SHROOM3: variants seen among roughly 807,000 people sequenced by gnomAD.
SHROOM3 encodes protein Shroom3.
SHROOM3 carries 47 observed loss-of-function variants against 138.6 expected under a neutral mutation model. The ratio of observed to expected loss-of-function variants is 0.34; its 90% CI spans 0.27 to 0.43. The LOEUF (loss-of-function observed/expected upper bound fraction) is 0.43. Among genes scored for constraint, SHROOM3 ranks in the 20% least tolerant of loss-of-function variants. The probability of loss-of-function intolerance (pLI) is 1.00; values close to 1 mark genes in which losing one functional copy is unlikely to be tolerated. For synonymous variants in SHROOM3, 1,062 were observed against 1,063.3 expected (o/e 1.00, Z 0.02); for missense variants, 2,491 against 2,596.5 (o/e 0.96, Z 0.88).
chr4:76,731,599 G>A (rs1446012725), intron 4 of SHROOM3, among the ~76,000 whole-genome samples: 1 of 152,044 alleles, frequency 6.6e-6, no homozygotes, highest in Non-Finnish European at 1.5e-5. Context: ...TGGCCAACAC[G>A]GTGAAACCCT....
intron 3 of SHROOM3, among the ~76,000 whole-genome samples, chr4:76,724,203 T>C (rs1421255474): frequency 6.6e-6 from 1 of 152,206 alleles, no homozygotes; most frequent in Non-Finnish European, 1.5e-5. Context: ...AAGGGCTTTG[T>C]TTGAATTACA....
At chr4:76,775,720 A>G (rs956196476) in intron 10 of SHROOM3, among the ~76,000 whole-genome samples, 3 of 151,422 alleles carry the variant, frequency 2.0e-5, no homozygotes, top group Non-Finnish European at 2.9e-5. Flanking sequence ...GTATATGTGT[A>G]TATACACATA....
chr4:76,451,363 C>T (rs542071300), intron 1 of SHROOM3, among the ~76,000 whole-genome samples: 5 of 152,318 alleles, frequency 3.3e-5, no homozygotes, highest in South Asian at 2.1e-4. Flanking sequence ...ATGTGATTTA[C>T]ACCATTCAAT....
At chr4:76,721,935 A>G (rs779459141) in intron 3 of SHROOM3, among the ~76,000 whole-genome samples, 4 of 152,202 alleles carry the variant, frequency 2.6e-5, no homozygotes, top group Non-Finnish European at 4.4e-5. Context: ...TGATGCATAC[A>G]TGGTTATTTA....
intron 2 of SHROOM3, among the ~76,000 whole-genome samples, chr4:76,606,007 ATTTTTTT>A (rs1164704632): frequency 1.7e-4 from 13 of 77,816 alleles, no homozygotes; most frequent in Middle Eastern, 9.3e-3. Context: ...ATATATATAT[ATTTTTTT>A]TTTTTTTTTT....
At chr4:76,563,272 T>C (rs767444363) in intron 2 of SHROOM3, among the ~76,000 whole-genome samples, 1 of 152,248 alleles carries the variant, frequency 6.6e-6, no homozygotes, top group Non-Finnish European at 1.5e-5. Flanking sequence ...CTGATTTGAC[T>C]CATTTTTGTA....
intron 3 of SHROOM3, among the ~76,000 whole-genome samples, chr4:76,722,471 A>G (rs369263675): frequency 2.6e-5 from 4 of 152,160 alleles, no homozygotes; most frequent in African/African-American, 7.2e-5. Context: ...ACATGGACAT[A>G]TGGAAGGGAA....
chr4:76,490,693 C>G (rs1440124655), intron 1 of SHROOM3, among the ~76,000 whole-genome samples: 1 of 152,220 alleles, frequency 6.6e-6, no homozygotes, highest in Non-Finnish European at 1.5e-5. Context: ...TGTATTTCAG[C>G]AATTGAAATC....
chr4:76,647,984 TA>T (rs1443022520), intron 2 of SHROOM3, among the ~76,000 whole-genome samples: 4 of 152,158 alleles, frequency 2.6e-5, no homozygotes, highest in Non-Finnish European at 4.4e-5. Context: ...TATCAGTTTT[TA>T]TAATAATATT....
intron 1 of SHROOM3, among the ~76,000 whole-genome samples, chr4:76,550,361 T>G (rs1733323886): frequency 6.6e-6 from 1 of 152,152 alleles, no homozygotes; most frequent in Non-Finnish European, 1.5e-5. Context: ...GAAGAGCAGA[T>G]AGGGCATGGT....
chr4:76,539,603 T>C (rs1446704078), intron 1 of SHROOM3, among the ~76,000 whole-genome samples: 2 of 152,252 alleles, frequency 1.3e-5, no homozygotes, highest in African/African-American at 4.8e-5. Flanking sequence ...ATCCATTAAC[T>C]AACTTAATCC....
At chr4:76,689,885 T>C (rs1719467406) in intron 2 of SHROOM3, among the ~76,000 whole-genome samples, 1 of 152,188 alleles carries the variant, frequency 6.6e-6, no homozygotes, top group Non-Finnish European at 1.5e-5. Context: ...GAGGGTCTCC[T>C]GACACTCCTA....
At chr4:76,592,449 A>G (rs1054408354) in intron 2 of SHROOM3, among the ~76,000 whole-genome samples, 3 of 152,232 alleles carry the variant, frequency 2.0e-5, no homozygotes, top group Admixed American at 1.3e-4. Flanking sequence ...TACATAGTCT[A>G]GGATTTAAGG....
rs1436356412 is a variant in SHROOM3 at position 76,740,928 on chromosome 4, C to T, written c.2755C>T (p.Pro919Ser). Residue 919 changes from proline to serine, a missense_variant, in exon 5 of 11, where the codon CCC becomes TCC. Transcript: ENST00000296043. The surrounding 1 kb of genome is among the most constrained non-coding windows in gnomAD (Gnocchi z 4.0). ...GSPESPLLDA[P>S]FSRAYRNSIK... is the part of the protein sequence containing the mutation. ...GCCCGAATCGCCCCTGCTGGATGCC[C>T]CCTTCAGCCGCGCCTACCGGAACAG... The T allele has an allele frequency of 1.3e-6, 2 of 1,498,584 alleles. No individual in the cohort carries two copies. The highest frequency in any genetic ancestry group is 2.4e-5 in the East Asian group (1 of 41,942). The allele number at this position is 1,498,584 out of a possible 1,614,324, so 92.8% of individuals were successfully genotyped here.
At chr4:76,558,779 A>C (rs773087280) in intron 2 of SHROOM3, among the ~76,000 whole-genome samples, 25 of 152,216 alleles carry the variant, frequency 1.6e-4, no homozygotes, top group Non-Finnish European at 2.8e-4. Flanking sequence ...TGGGAAGTCT[A>C]ATTATGGTCA....
chr4:76,751,804 AAAAC>A (rs1166945503), intron 6 of SHROOM3, among the ~76,000 whole-genome samples: 1 of 152,242 alleles, frequency 6.6e-6, no homozygotes, highest in African/African-American at 2.4e-5. Flanking sequence ...AAAAAAACGA[AAAAC>A]AACCAGTGTT....
chr4:76,776,669 C>G (rs908449707), intron 10 of SHROOM3, among the ~76,000 whole-genome samples: 3 of 152,136 alleles, frequency 2.0e-5, no homozygotes, highest in African/African-American at 7.2e-5. Context: ...AAACTAGAAG[C>G]CACTAAGACA....
chr4:76,486,159 G>A (rs1731725550), intron 1 of SHROOM3, among the ~76,000 whole-genome samples: 1 of 152,188 alleles, frequency 6.6e-6, no homozygotes, highest in Non-Finnish European at 1.5e-5. Flanking sequence ...TGAATACAAT[G>A]TATTGGATCA....
intron 2 of SHROOM3, among the ~76,000 whole-genome samples, chr4:76,560,553 G>A (rs1733577680): frequency 6.6e-6 from 1 of 152,032 alleles, no homozygotes; most frequent in African/African-American, 2.4e-5. Flanking sequence ...TCTGCATTAA[G>A]GTGCTATTTA....
Sources: gnomAD v4.1 joint callset for allele counts (sites outside exome capture counted in the v4.1 genomes callset) on GRCh38, gnomAD v4.1.1 for gene constraint, Gnocchi (gnomAD v3.1) non-coding constraint, MANE v1.5 for transcripts, NCBI Gene and HGNC (gene_info 2026-07-23, HGNC 2026-07-21) for gene names.